NAA15: variants seen among roughly 807,000 people sequenced by gnomAD.
The protein encoded by NAA15 is N-terminal acetyltransferase.
In NAA15, 34 loss-of-function variants were observed where a neutral mutation model predicts 114.0. The ratio of observed to expected loss-of-function variants is 0.30; its 90% CI spans 0.23 to 0.40. NAA15 has a LOEUF of 0.40. NAA15 is among the 10% of genes least tolerant of loss of function. NAA15 has a pLI of 1.00. For synonymous variants in NAA15, 340 were observed against 338.0 expected (o/e 1.01, Z -0.06); for missense variants, 658 against 1,004.5 (o/e 0.66, Z 4.66).
At chr4:139,386,350 C>T (rs1198904589) in intron 19 of NAA15, 120 bp downstream of exon 19, 2 of 510,480 alleles carry the variant, frequency 3.9e-6, no homozygotes, top group Non-Finnish European at 6.9e-6. Flanking sequence ...TCAGAAACAA[C>T]TTATCTTAAA....
At chr4:139,315,662 A>G (rs532323651) in intron 1 of NAA15, among the ~76,000 whole-genome samples, 64 of 151,994 alleles carry the variant, frequency 4.2e-4, no homozygotes, top group Non-Finnish European at 8.1e-4. Flanking sequence ...TATTATTAGT[A>G]CTTGCTCTTT....
At chr4:139,312,642 G>C (rs1746259440) in intron 1 of NAA15, among the ~76,000 whole-genome samples, 1 of 151,776 alleles carries the variant, frequency 6.6e-6, no homozygotes, top group African/African-American at 2.4e-5. Flanking sequence ...TCGGGAGTTT[G>C]AGACCAGCCT....
intron 1 of NAA15, among the ~76,000 whole-genome samples, chr4:139,310,432 C>G (rs372358665): frequency 7.1e-6 from 1 of 141,816 alleles, no homozygotes; most frequent in African/African-American, 2.6e-5. Context: ...CCAGCCTGGG[C>G]GACAGAGCGA....
chr4:139,361,632 G>T, intron 13 of NAA15, 92 bp from the exon 14 acceptor site: 1 of 748,350 alleles, frequency 1.3e-6, no homozygotes, highest in Admixed American at 3.3e-5. Context: ...TTTTTTTCAT[G>T]CCAAAGTAAC....
At chr4:139,354,793 C>A (rs747591386) in intron 10 of NAA15, among the ~76,000 whole-genome samples, 3 of 152,188 alleles carry the variant, frequency 2.0e-5, no homozygotes, top group Non-Finnish European at 4.4e-5. Flanking sequence ...AACATCACAT[C>A]ATTTTATCCA....
At chr4:139,317,899 A>G (rs1746467948) in intron 1 of NAA15, among the ~76,000 whole-genome samples, 1 of 152,106 alleles carries the variant, frequency 6.6e-6, no homozygotes, top group Non-Finnish European at 1.5e-5. Context: ...GCAGATTTCT[A>G]CTCTTATCAA....
At chr4:139,359,210 C>T (rs1234704419) in intron 11 of NAA15, among the ~76,000 whole-genome samples, 1 of 152,012 alleles carries the variant, frequency 6.6e-6, no homozygotes, top group African/African-American at 2.4e-5. Flanking sequence ...CTCACTGCAA[C>T]CTGCACCTCC....
At chr4:139,355,664 A>G (rs1471305741) in intron 10 of NAA15, among the ~76,000 whole-genome samples, 1 of 152,180 alleles carries the variant, frequency 6.6e-6, no homozygotes, top group African/African-American at 2.4e-5. Flanking sequence ...ACCATGTTGG[A>G]AAGGGAAAAT....
rs920959024 is a variant in NAA15, at chr4:139,362,358, C to T, written c.1753+421C>T. 3.3e-5 allele frequency among the ~76,000 whole-genome samples: 5 copies of T among 152,160 alleles called. No individual in the cohort carries two copies. In the East Asian group the frequency reaches 9.6e-4, roughly 29 times the overall value. The stretch of plus-strand genomic sequence containing the variant: ...TGCAGTGCATGATCTCGGATCACTG[C>T]AACCTCCCAGGTTCAAGCGATTCTC... On this transcript the variant is annotated intron_variant, in intron 14 of 19. Transcript: ENST00000296543.
chr4:139,375,442 G>GCTTTTCTTTT (rs377281694), intron 15 of NAA15, among the ~76,000 whole-genome samples: 3 of 147,208 alleles, frequency 2.0e-5, no homozygotes, highest in Admixed American at 1.3e-4. Flanking sequence ...TCACTTCACT[G>GCTTTTCTTTT]CTTTTCTTTT....
intron 2 of NAA15, among the ~76,000 whole-genome samples, chr4:139,334,873 A>G: frequency 6.6e-6 from 1 of 152,228 alleles, no homozygotes; most frequent in Non-Finnish European, 1.5e-5. Flanking sequence ...TTAGTATTGA[A>G]GAGAAGGGGG....
intron 7 of NAA15, among the ~76,000 whole-genome samples, chr4:139,350,908 A>G (rs1223028440): frequency 2.0e-5 from 3 of 152,222 alleles, no homozygotes; most frequent in Admixed American, 6.5e-5. Flanking sequence ...GAAGCAATAT[A>G]TGGAAACATG....
At chr4:139,311,049 T>C (rs1294553060) in intron 1 of NAA15, among the ~76,000 whole-genome samples, 8 of 151,396 alleles carry the variant, frequency 5.3e-5, no homozygotes, top group Non-Finnish European at 1.2e-4. Context: ...CTTAGTCTTC[T>C]GGGTAGCTGG....
At chr4:139,327,454 A>G (rs1746839071) in intron 1 of NAA15, among the ~76,000 whole-genome samples, 2 of 152,110 alleles carry the variant, frequency 1.3e-5, no homozygotes, top group Admixed American at 6.5e-5. Context: ...GGGTTTCACC[A>G]TGTTGGCCAG....
intron 1 of NAA15, among the ~76,000 whole-genome samples, chr4:139,320,684 C>T (rs1746568732): frequency 6.6e-6 from 1 of 152,130 alleles, no homozygotes; most frequent in African/African-American, 2.4e-5. Flanking sequence ...CCACGCCTGG[C>T]TAATTTTTGT....
At chr4:139,304,103 A>G (rs1000124112) in intron 1 of NAA15, among the ~76,000 whole-genome samples, 10 of 152,288 alleles carry the variant, frequency 6.6e-5, no homozygotes, top group African/African-American at 2.2e-4. Flanking sequence ...ATTTTTTAGT[A>G]GAGACGGGGT....
intron 6 of NAA15, among the ~76,000 whole-genome samples, chr4:139,348,396 C>T (rs1222343137): frequency 6.6e-6 from 1 of 150,844 alleles, no homozygotes; most frequent in Non-Finnish European, 1.5e-5. Flanking sequence ...CTGCAGTGAG[C>T]CATGATCGAT....
intron 9 of NAA15, 42 bp from the exon 10 acceptor site, chr4:139,353,984 G>T (rs766448554): frequency 2.0e-6 from 3 of 1,481,044 alleles, no homozygotes; most frequent in Non-Finnish European, 2.8e-6. Flanking sequence ...TAGTAAATGT[G>T]TGTTTTTTCT....
In NAA15 at chr4:139,360,717, A is replaced by G. The variant is rs1001173958; in HGVS notation, c.1539+89A>G. On this transcript the variant is annotated intron_variant, in intron 13 of 19. Transcript: ENST00000296543. Reference sequence around the variant, plus strand: ...TAGTTTTTTTCTCTTCTATTTCTTTATAATTCATAGTAGGTGCTTTTTAAA... The same window carrying G: ...TAGTTTTTTTCTCTTCTATTTCTTTGTAATTCATAGTAGGTGCTTTTTAAA... 1.3e-5 allele frequency: 15 copies of G among 1,193,804 alleles called. No homozygotes were observed. The African/African-American group carries it at 1.4e-4, about 11-fold the overall frequency. The allele number at this position is 1,193,804 out of a possible 1,614,324, so 74.0% of individuals were successfully genotyped here. A position where few individuals can be genotyped will look rare whatever the true frequency, so the allele number is the denominator to read the frequency against.
Sources: allele counts gnomAD v4.1 joint callset (sites outside exome capture counted in the v4.1 genomes callset), GRCh38; gene constraint gnomAD v4.1.1; transcripts MANE v1.5; gene names NCBI Gene and HGNC (gene_info 2026-07-23, HGNC 2026-07-21).